Variants in PKHD1 observed in about 807,000 individuals in gnomAD.
The protein encoded by PKHD1 is fibrocystin.
In PKHD1, 291 loss-of-function variants were observed where a neutral mutation model predicts 412.0. The observed-to-expected ratio is 0.71, with a 90% confidence interval of 0.64 to 0.78. PKHD1 has a LOEUF of 0.78. Ranked by LOEUF, PKHD1 falls within the 30% of genes least tolerant of loss-of-function variation. The pLI, the probability that PKHD1 is intolerant of heterozygous loss-of-function variation, is 0.00. For synonymous variants in PKHD1, 1,777 were observed against 1,821.5 expected, an observed-to-expected ratio of 0.98 and a Z score of 0.62; for missense variants, 4,825 against 4,950.7, an observed-to-expected ratio of 0.97 and a Z score of 0.76.
intron 60 of PKHD1, among the ~76,000 whole-genome samples, chr6:51,696,607 G>A (rs1778829141): frequency 6.6e-6 from 1 of 152,140 alleles, no homozygotes; most frequent in South Asian, 2.1e-4. Flanking sequence ...AGAACAGAAA[G>A]AGACAAAGCA....
Position 51,957,401 on chromosome 6 carries a change from T to A in PKHD1, c.5908+2469A>T, listed in dbSNP as rs113666643. Among the ~76,000 whole-genome samples, 610 of 152,234 alleles carry A rather than the reference T, an allele frequency of 4.0e-3. 6 individuals are homozygous for A. Among genetic ancestry groups the A allele is most frequent in the African/African-American group, 0.014 (587 of 41,564 alleles). On this transcript the variant is annotated intron_variant, in intron 36 of 66. Coordinates refer to ENST00000371117, the MANE Select transcript of PKHD1 (RefSeq NM_138694.4). ...TGGCTATGTCTAGCTACAAAAGTGT[T>A]CAGGAAACAGAGCATTTCAGCTGAG... is the stretch of plus-strand genomic sequence containing the variant.
chr6:51,976,701 G>A lies in PKHD1; in HGVS notation c.5752-16675C>T, dbSNP rs191916492. ...ACGGTGGCTCACGCCTGTAATCCTA[G>A]TACTTTGGGAAGCCAAGGTGGGTGG... On this transcript the variant is annotated intron_variant, in intron 35 of 66. Transcript: ENST00000371117. Among the ~76,000 whole-genome samples, 123 of 152,296 alleles carry A rather than the reference G, an allele frequency of 8.1e-4. 2 individuals are homozygous for A. The highest frequency in any genetic ancestry group is 6.9e-3 in the Admixed American group (105 of 15,304).
chr6:51,824,857 T>C (rs537908979), intron 52 of PKHD1, among the ~76,000 whole-genome samples: 1 of 152,262 alleles, frequency 6.6e-6, no homozygotes, highest in African/African-American at 2.4e-5. Context: ...TACCGTCCAT[T>C]CCCACTGCAA....
intron 43 of PKHD1, among the ~76,000 whole-genome samples, chr6:51,896,303 G>C (rs914049738): frequency 6.6e-4 from 101 of 152,006 alleles, no homozygotes; most frequent in African/African-American, 2.3e-3. Flanking sequence ...CTCCCAGCAC[G>C]CAGCTGGAGA....
intron 53 of PKHD1, among the ~76,000 whole-genome samples, chr6:51,787,733 A>G (rs1446368888): frequency 6.6e-6 from 1 of 152,224 alleles, no homozygotes; most frequent in Non-Finnish European, 1.5e-5. Context: ...GAGACCTGAA[A>G]TATATAAAGT....
intron 35 of PKHD1, among the ~76,000 whole-genome samples, chr6:51,993,244 G>A (rs1003360641): frequency 3.9e-5 from 6 of 152,220 alleles, no homozygotes; most frequent in African/African-American, 1.4e-4. Flanking sequence ...CTGCCTGCTG[G>A]GTTGGTGATT....
chr6:51,775,919 T>G lies in PKHD1; in HGVS notation c.8443A>C (p.Thr2815Pro). 2 of 1,392,598 alleles carry G rather than the reference T, an allele frequency of 1.4e-6. No homozygotes were observed. The highest frequency in any genetic ancestry group is 2.3e-5 in the East Asian group (1 of 43,732). The allele number at this position is 1,392,598 out of a possible 1,614,324, so 86.3% of individuals were successfully genotyped here. The stretch of plus-strand genomic sequence containing the variant: ...TCCTTTTCTAAGGGATTTTCTAAAG[T>G]ACCTGTTTACAAAGAAAAGTATATC... ...VIAGGELKVGTLENPLEKEQK... is the reference protein window; with the variant it reads ...VIAGGELKVGPLENPLEKEQK... Residue 2815 changes from threonine to proline, a missense_variant and splice_region_variant, in exon 54 of 67, where the codon ACT (threonine) becomes CCT (proline). Transcript: ENST00000371117.
intron 49 of PKHD1, among the ~76,000 whole-genome samples, chr6:51,850,048 T>A (rs966058354): frequency 6.6e-6 from 1 of 152,240 alleles, no homozygotes; most frequent in Non-Finnish European, 1.5e-5. Flanking sequence ...AAGTCTTTAA[T>A]CCATCTTGAG....
intron 60 of PKHD1, among the ~76,000 whole-genome samples, chr6:51,739,706 T>A (rs899573132): frequency 2.6e-5 from 4 of 152,162 alleles, no homozygotes; most frequent in African/African-American, 9.7e-5. Context: ...ACTTGCCAAA[T>A]GAATGAAAAT....
Position 51,660,002 on chromosome 6 carries a change from A to G in PKHD1, c.10157-33T>C, listed in dbSNP as rs1772578513. On this transcript the variant is annotated intron_variant, in intron 60 of 66. Transcript: ENST00000371117. The stretch of plus-strand genomic sequence containing the variant: ...AGAAAAGAAGCAAAACAAGTGATAT[A>G]TGAATTATAATCTGTCAATGATTAT... 4 of 1,257,332 alleles carry G rather than the reference A, an allele frequency of 3.2e-6. No homozygotes were observed. In the East Asian group the frequency reaches 7.1e-5, roughly 22 times the overall value. The allele number at this position is 1,257,332 out of a possible 1,614,324, so 77.9% of individuals were successfully genotyped here.
chr6:52,056,552 T>C (rs2128209006), intron 18 of PKHD1, 146 bp downstream of exon 18: 1 of 716,862 alleles, frequency 1.4e-6, no homozygotes, highest in Admixed American at 2.1e-5. Flanking sequence ...TGCCAGTCCC[T>C]CAGCCACTCA....
At chr6:51,626,459 C>T (rs976274862) in intron 66 of PKHD1, among the ~76,000 whole-genome samples, 1 of 152,160 alleles carries the variant, frequency 6.6e-6, no homozygotes, top group Non-Finnish European at 1.5e-5. Flanking sequence ...GGCACTAATT[C>T]TAATGGCAAT....
At chr6:52,085,108 G>T in intron 1 of PKHD1, 91 bp from the exon 2 acceptor site, 1 of 608,676 alleles carries the variant, frequency 1.6e-6, no homozygotes, top group Admixed American at 2.5e-5. Context: ...TTAAGGAGAT[G>T]AGATAAACAT....
intron 60 of PKHD1, among the ~76,000 whole-genome samples, chr6:51,742,546 C>A (rs1784681939): frequency 4.6e-5 from 7 of 152,106 alleles, no homozygotes; most frequent in Admixed American, 4.6e-4. Context: ...CAGATAAATT[C>A]TTAAACCAAT....
In PKHD1 at chr6:51,870,510, C is replaced by T; in HGVS notation, c.7480G>A (p.Gly2494Arg). 6.2e-7 allele frequency: 1 copy of T among 1,611,836 alleles called. No individual in the cohort carries two copies. The highest frequency in any genetic ancestry group is 8.5e-7 in the Non-Finnish European group (1 of 1,178,040). Residue 2494 changes from glycine to arginine, a missense_variant, in exon 47 of 67, where the codon GGA becomes AGA. Transcript: ENST00000371117. ...TGTCTATTCAAATAATTACCTTGTC[C>T]TTGGGAACAGTCTGAACAGGTTCTA... ...AIRTCSDCSQ[G>R]QGGFTVKTSQ...
chr6:51,860,814 T>TTAG (rs1483241031), intron 48 of PKHD1, among the ~76,000 whole-genome samples: 1 of 151,892 alleles, frequency 6.6e-6, no homozygotes, highest in East Asian at 1.9e-4. Context: ...TTTTATTTTA[T>TTAG]TATTATTATT....
chr6:51,912,019 A>T, intron 38 of PKHD1, 63 bp from the exon 39 acceptor site: 3 of 1,251,916 alleles, frequency 2.4e-6, no homozygotes, highest in Non-Finnish European at 3.5e-6. Context: ...AGGAATAATA[A>T]GCCACTAGAT....
intron 36 of PKHD1, among the ~76,000 whole-genome samples, chr6:51,955,923 A>G (rs1254622911): frequency 6.6e-6 from 1 of 152,102 alleles, no homozygotes; most frequent in Non-Finnish European, 1.5e-5. Context: ...AATGTATATG[A>G]AAAAGATAGT....
In PKHD1 at chr6:51,701,662, G is replaced by C. The variant is rs149332408; in HGVS notation, c.10157-41693C>G. ...AAAGTAAAACAAGATACAAAAGAAGGATTAGAAATAGATATAGGTGAGACA... is the reference window on the plus strand; with the variant it reads ...AAAGTAAAACAAGATACAAAAGAAGCATTAGAAATAGATATAGGTGAGACA... On this transcript the variant is annotated intron_variant, in intron 60 of 66. Coordinates refer to ENST00000371117, the MANE Select transcript of PKHD1 (RefSeq NM_138694.4). Among the ~76,000 whole-genome samples the C allele has an allele frequency of 2.1e-3, 320 of 152,046 alleles. 3 individuals carry two copies. The highest frequency in any genetic ancestry group is 7.2e-3 in the African/African-American group (298 of 41,520).
Sources: gnomAD v4.1 joint callset for allele counts (sites outside exome capture counted in the v4.1 genomes callset) on GRCh38, gnomAD v4.1.1 for gene constraint, MANE v1.5 for transcripts, NCBI Gene and HGNC (gene_info 2026-07-23, HGNC 2026-07-21) for gene names.